SPIDR: variants seen among roughly 807,000 people sequenced by gnomAD.
SPIDR encodes the protein DNA repair-scaffolding protein.
In SPIDR, 93 loss-of-function variants were observed where a neutral mutation model predicts 104.6. That is an observed-to-expected ratio of 0.89 (90% confidence interval 0.75 to 1.06). SPIDR has a LOEUF of 1.06. Ranked by LOEUF, SPIDR falls within the 50% of genes least tolerant of loss-of-function variation. The pLI, the probability that SPIDR is intolerant of heterozygous loss-of-function variation, is 0.00. For missense variants in SPIDR, 1,154 were observed against 1,111.2 expected (o/e 1.04, Z -0.55); for synonymous variants, 431 against 416.9 (o/e 1.03, Z -0.41).
At chr8:47,730,848 T>C (rs2085088264) in intron 19 of SPIDR, among the ~76,000 whole-genome samples, 1 of 152,206 alleles carries the variant, frequency 6.6e-6, no homozygotes, top group South Asian at 2.1e-4. Context: ...TTGTCCTCTC[T>C]CATCTAAACC....
At chr8:47,573,526 T>G (rs2058751380) in intron 8 of SPIDR, among the ~76,000 whole-genome samples, 1 of 152,194 alleles carries the variant, frequency 6.6e-6, no homozygotes. Flanking sequence ...GGCAACATGA[T>G]GTCGGAGACC....
At chr8:47,706,149 T>G (rs1463651024) in intron 14 of SPIDR, among the ~76,000 whole-genome samples, 1 of 152,062 alleles carries the variant, frequency 6.6e-6, no homozygotes, top group Non-Finnish European at 1.5e-5. Context: ...TCCCAGAACT[T>G]TGGGAGGCCA....
intron 19 of SPIDR, 91 bp from the exon 20 acceptor site, chr8:47,735,216 C>T (rs906830409): frequency 4.8e-6 from 6 of 1,257,894 alleles, no homozygotes; most frequent in Non-Finnish European, 6.9e-6. Context: ...GGGGAAAGGG[C>T]CTTCCACTCT....
At chr8:47,589,625 T>C (rs2060749708) in intron 8 of SPIDR, among the ~76,000 whole-genome samples, 1 of 152,196 alleles carries the variant, frequency 6.6e-6, no homozygotes, top group Non-Finnish European at 1.5e-5. Flanking sequence ...TATTTTTGTT[T>C]CTTTTTGAGA....
chr8:47,610,502 CT>C (rs1003919603), intron 10 of SPIDR, among the ~76,000 whole-genome samples: 5 of 152,228 alleles, frequency 3.3e-5, no homozygotes, highest in African/African-American at 1.2e-4. Context: ...CTTGCTGCCC[CT>C]CTCCTCCCCT....
chr8:47,565,520 A>C (rs927120231), intron 8 of SPIDR, among the ~76,000 whole-genome samples: 2 of 152,166 alleles, frequency 1.3e-5, no homozygotes, highest in Non-Finnish European at 2.9e-5. Context: ...TGGAATTCTT[A>C]CAGATATGAT....
chr8:47,277,361 TTA>T (rs2036710598), intron 1 of SPIDR, among the ~76,000 whole-genome samples: 1 of 149,848 alleles, frequency 6.7e-6, no homozygotes, highest in African/African-American at 2.5e-5. Flanking sequence ...TTATGTTATG[TTA>T]TGTTATGTTA....
chr8:47,300,341 T>C (rs962210285), intron 5 of SPIDR, among the ~76,000 whole-genome samples: 7 of 152,216 alleles, frequency 4.6e-5, no homozygotes, highest in Non-Finnish European at 1.0e-4. Flanking sequence ...TTCTTCTCTC[T>C]TTTCTTCTTT....
At position 47,712,801 on chromosome 8, in the gene SPIDR, C is replaced by T. The variant is rs1448138208; in HGVS notation, c.2117C>T (p.Ser706Phe). 1 of 1,614,150 alleles carries T rather than the reference C, an allele frequency of 6.2e-7. No homozygotes were observed. Among genetic ancestry groups the T allele is most frequent in the Non-Finnish European group, 8.5e-7 (1 of 1,180,038 alleles). Reference protein sequence around the residue: ...VYVAPLCVLGSEVLEALAGAA... With the variant: ...VYVAPLCVLGFEVLEALAGAA... ...GTGGCCCCCTTGTGTGTGCTGGGCT[C>T]TGAAGTCCTGGAGGCACTCGCTGGG... Residue 706 changes from serine to phenylalanine, a missense_variant, in exon 15 of 20, where the codon TCT (serine) becomes TTT (phenylalanine). Physicochemically the swap from Ser to Phe is radical, Grantham distance 155 (BLOSUM62 -2). Transcript: ENST00000297423.
At chr8:47,688,959 CT>C (rs1180382753) in intron 11 of SPIDR, among the ~76,000 whole-genome samples, 1 of 152,150 alleles carries the variant, frequency 6.6e-6, no homozygotes, top group Non-Finnish European at 1.5e-5. Flanking sequence ...GGCTGAGAGC[CT>C]TTTGCTGTGT....
At chr8:47,451,451 G>T (rs782420120) in intron 8 of SPIDR, among the ~76,000 whole-genome samples, 1 of 151,954 alleles carries the variant, frequency 6.6e-6, no homozygotes, top group African/African-American at 2.4e-5. Context: ...ATATGGTGGT[G>T]CACTCCTGCA....
intron 8 of SPIDR, among the ~76,000 whole-genome samples, chr8:47,503,236 G>T (rs897524270): frequency 5.3e-5 from 8 of 152,138 alleles, no homozygotes; most frequent in Non-Finnish European, 1.2e-4. Context: ...TGACAGTGGG[G>T]TGTTAAAGTC....
intron 8 of SPIDR, among the ~76,000 whole-genome samples, chr8:47,530,534 G>T (rs1255191097): frequency 6.6e-6 from 1 of 152,092 alleles, no homozygotes; most frequent in Non-Finnish European, 1.5e-5. Flanking sequence ...TGGTATAAAG[G>T]TTAAAAATGG....
intron 19 of SPIDR, chr8:47,732,493 G>A (rs964352239): frequency 5.0e-6 from 2 of 397,350 alleles, no homozygotes; most frequent in Non-Finnish European, 4.6e-6. Context: ...CTGGTTTCAG[G>A]GCCAATACCA....
intron 8 of SPIDR, among the ~76,000 whole-genome samples, chr8:47,561,187 G>A (rs888890800): frequency 1.3e-4 from 20 of 152,234 alleles, no homozygotes; most frequent in African/African-American, 4.3e-4. Flanking sequence ...TGGCGCATAT[G>A]TTCAAGTGAG....
upstream of SPIDR, chr8:47,260,929 A>G (rs1475146245): frequency 4.1e-6 from 5 of 1,224,756 alleles, no homozygotes; most frequent in Non-Finnish European, 5.1e-6. Flanking sequence ...CGCGCTGAGG[A>G]GGCGGTGCGC....
intron 2 of SPIDR, 98 bp downstream of exon 2, chr8:47,280,115 T>C (rs2037417813): frequency 1.6e-6 from 2 of 1,283,972 alleles, no homozygotes; most frequent in Non-Finnish European, 2.2e-6. Flanking sequence ...CCCTTTCTTA[T>C]TCTTTCAGAA....
At chr8:47,546,119 T>A (rs1217583562) in intron 8 of SPIDR, among the ~76,000 whole-genome samples, 1 of 152,196 alleles carries the variant, frequency 6.6e-6, no homozygotes, top group East Asian at 1.9e-4. Flanking sequence ...TCTAGGTTCA[T>A]AAAATGGATT....
chr8:47,461,091 T>G (rs1408023680), intron 8 of SPIDR, among the ~76,000 whole-genome samples: 2 of 152,196 alleles, frequency 1.3e-5, no homozygotes, highest in South Asian at 2.1e-4. Context: ...GCTCTTAAGA[T>G]TCTTCATTTT....
Sources: gnomAD v4.1 joint callset for allele counts (sites outside exome capture counted in the v4.1 genomes callset) on GRCh38, gnomAD v4.1.1 for gene constraint, MANE v1.5 for transcripts, NCBI Gene and HGNC (gene_info 2026-07-23, HGNC 2026-07-21) for gene names.